The following PROSER2 variants were observed in gnomAD, a reference collection of about 807,000 sequenced individuals.
PROSER2 encodes the protein proline and serine rich 2, also known as proline and serine-rich protein 2.
A neutral mutation model predicts 14.6 loss-of-function variants in PROSER2; 18 were observed. The ratio of observed to expected loss-of-function variants is 1.23; its 90% CI spans 0.85 to 1.83. The LOEUF is 1.83. PROSER2 is among the 40% of genes most tolerant of loss of function. The pLI is 0.00. For synonymous variants in PROSER2, 367 were observed against 286.4 expected, an observed-to-expected ratio of 1.28 and a Z score of -2.84; for missense variants, 823 against 629.8, an observed-to-expected ratio of 1.31 and a Z score of -3.28.
chr10:11,845,918 T>C (rs117194585), intron 1 of PROSER2, among the ~76,000 whole-genome samples: 1 of 152,362 alleles, frequency 6.6e-6, no homozygotes, highest in Non-Finnish European at 1.5e-5. Flanking sequence ...CTAGTATCTT[T>C]CATCCATTGT....
chr10:11,856,906 G>T lies in PROSER2; in HGVS notation c.138+4691G>T, dbSNP rs1588495034. 6.6e-6 allele frequency among the ~76,000 whole-genome samples: 1 copy of T among 152,220 alleles called. No individual in the cohort carries two copies. The highest frequency in any genetic ancestry group is 1.9e-4 in the East Asian group (1 of 5,200). On this transcript the variant is annotated intron_variant, in intron 2 of 3. Coordinates refer to ENST00000277570, the MANE Select transcript of PROSER2 (RefSeq NM_153256.4). The surrounding 1 kb of genome is among the most constrained non-coding windows in gnomAD (Gnocchi z 5.3). ...CAGGAGGGGACACTGAACCGGAGGTGCCTTGAGGGAGGAGCCGCCCCATCA... is the reference window on the plus strand; with the variant it reads ...CAGGAGGGGACACTGAACCGGAGGTTCCTTGAGGGAGGAGCCGCCCCATCA...
chr10:11,870,415 C>A lies in PROSER2; in HGVS notation c.*9C>A. 1 of 1,477,844 alleles carries A rather than the reference C, an allele frequency of 6.8e-7. No homozygotes were observed. The highest frequency in any genetic ancestry group is 8.9e-7 in the Non-Finnish European group (1 of 1,117,482). 91.5% of individuals were successfully genotyped at this position (1,477,844 alleles called of 1,614,324 possible). On this transcript the variant is annotated 3_prime_UTR_variant, in exon 4 of 4. Transcript: ENST00000277570. ...TCAGGGAGAGTTCGTGAGGGCCGCG[C>A]GGGCTCCAGTCCACCCCGTTTCTCC...
In PROSER2 at chr10:11,871,664, GC is replaced by G. The variant is rs1378017358; in HGVS notation, c.*1259del. On this transcript the variant is annotated 3_prime_UTR_variant, in exon 4 of 4. Coordinates refer to ENST00000277570, the MANE Select transcript of PROSER2 (RefSeq NM_153256.4). ...TCTTACACGCTGAGTTATGCCACAAGCGTTATCATCAAAACTATTTAAGGCT... is the reference window on the plus strand; with the variant it reads ...TCTTACACGCTGAGTTATGCCACAAGGTTATCATCAAAACTATTTAAGGCT... 6.6e-6 allele frequency: 1 copy of G among 152,184 alleles called. No individual in the cohort carries two copies. The highest frequency in any genetic ancestry group is 2.4e-5 in the African/African-American group (1 of 41,434). The allele number at this position is 152,184 out of a possible 1,614,324, so 9.4% of individuals were successfully genotyped here.
Position 11,869,619 on chromosome 10 carries a change from A to T in PROSER2, c.521A>T (p.Glu174Val), listed in dbSNP as rs770645499. ...AGCACCCCCGATCCCCCCAGGAGGG[A>T]GCTGCGCGCCCCCTCCCCGCCGGTG... The part of the protein sequence containing the change: ...LPSTPDPPRR[E>V]LRAPSPPVEH... Residue 174 changes from glutamate to valine, a missense_variant, in exon 4 of 4, where the codon GAG becomes GTG. By Grantham distance (121) the Glu-to-Val change is moderately radical (BLOSUM62 -2). Transcript: ENST00000277570. This position sits in a 1 kb window ranked among gnomAD's most constrained non-coding sequence, Gnocchi z 4.4. 4.4e-6 allele frequency: 7 copies of T among 1,596,756 alleles called. No individual in the cohort carries two copies. Among genetic ancestry groups the T allele is most frequent in the Middle Eastern group, 1.7e-4 (1 of 6,034 alleles).
intron 1 of PROSER2, chr10:11,851,267 AG>A (rs1834012337): frequency 1.3e-5 from 2 of 152,322 alleles, no homozygotes; most frequent in South Asian, 4.1e-4. Flanking sequence ...TATGAAATTA[AG>A]GGGCTTACAG....
In PROSER2 at chr10:11,852,137, C is replaced by A; in HGVS notation, c.60C>A (p.Ser20Arg). The A allele has an allele frequency of 6.2e-7, 1 of 1,613,770 alleles. No homozygotes were observed. The highest frequency in any genetic ancestry group is 8.5e-7 in the Non-Finnish European group (1 of 1,179,892). The change falls in exon 2 of 4, where the codon AGC (serine) becomes AGA (arginine). Residue 20 changes from serine to arginine, a missense_variant. Coordinates refer to ENST00000277570, the MANE Select transcript of PROSER2 (RefSeq NM_153256.4). Reference protein sequence around the residue: ...ASDMNSDTSPSCRLRAFSRGG... With the variant: ...ASDMNSDTSPRCRLRAFSRGG... ...ACATGAACTCAGACACGTCCCCCAG[C>A]TGCAGGCTCCGAGCCTTCAGCAGAG...
intron 1 of PROSER2, among the ~76,000 whole-genome samples, chr10:11,842,848 T>C (rs575051886): frequency 3.8e-4 from 58 of 151,904 alleles, no homozygotes; most frequent in African/African-American, 1.3e-3. Context: ...TACATATGTG[T>C]GCGTGAATGT....
At chr10:11,864,283 C>G (rs1028915804) in intron 2 of PROSER2, among the ~76,000 whole-genome samples, 10 of 152,188 alleles carry the variant, frequency 6.6e-5, no homozygotes, top group African/African-American at 2.2e-4. Flanking sequence ...TTGCTGTTTT[C>G]TGATTCCTGA....
intron 1 of PROSER2, among the ~76,000 whole-genome samples, chr10:11,833,736 A>G (rs1338603635): frequency 6.6e-6 from 1 of 152,164 alleles, no homozygotes; most frequent in Non-Finnish European, 1.5e-5. Flanking sequence ...TTATCGTCTA[A>G]TGGAGGAAAA....
chr10:11,867,435 CCA>C (rs1834375823), intron 3 of PROSER2, among the ~76,000 whole-genome samples: 1 of 152,092 alleles, frequency 6.6e-6, no homozygotes, highest in Non-Finnish European at 1.5e-5. Flanking sequence ...GAGTTCAAGA[CCA>C]GCCTGGCCAA....
chr10:11,848,671 C>G (rs1483348969), intron 1 of PROSER2, among the ~76,000 whole-genome samples: 1 of 152,168 alleles, frequency 6.6e-6, no homozygotes, highest in African/African-American at 2.4e-5. Flanking sequence ...GTTCAGAAAT[C>G]AAAGCTGCTT....
In PROSER2 at chr10:11,869,838, A is replaced by T; in HGVS notation, c.740A>T (p.Gln247Leu). ...GGCCCGGGGCCCAGCCACCCGGCGC[A>T]GCCCAAGGCACCCCGCTTCCCCAGC... Reference protein sequence around the residue: ...DPGPGPSHPAQPKAPRFPSNI... With the variant: ...DPGPGPSHPALPKAPRFPSNI... The change falls in exon 4 of 4, where the codon CAG (glutamine) becomes CTG (leucine). Residue 247 changes from glutamine (Q) to leucine (L), a missense_variant. Coordinates refer to ENST00000277570, the MANE Select transcript of PROSER2 (RefSeq NM_153256.4). This position sits in a 1 kb window ranked among gnomAD's most constrained non-coding sequence, Gnocchi z 4.4. 2 of 1,580,470 alleles carry T rather than the reference A, an allele frequency of 1.3e-6. No individual in the cohort carries two copies. The highest frequency in any genetic ancestry group is 1.7e-6 in the Non-Finnish European group (2 of 1,166,322).
chr10:11,860,696 A>G (rs1834219554), intron 2 of PROSER2, among the ~76,000 whole-genome samples: 1 of 152,178 alleles, frequency 6.6e-6, no homozygotes, highest in Admixed American at 6.5e-5. Context: ...TGAGACCGTG[A>G]GCCGAGGAAC....
At position 11,870,014 on chromosome 10, in the gene PROSER2, G is replaced by T. The variant is rs1188273595; in HGVS notation, c.916G>T (p.Ala306Ser). 1.6e-6 allele frequency: 2 copies of T among 1,243,908 alleles called. No homozygotes were observed. The highest frequency in any genetic ancestry group is 3.2e-5 in the African/African-American group (2 of 63,028). The allele number at this position is 1,243,908 out of a possible 1,614,324, so 77.1% of individuals were successfully genotyped here. ...CGCCGCGGGGGACGCCGGCGAGGGG[G>T]CCCCAGGGGGCGGCTCCTCCCCGGA... ...FPAAGDAGEG[A>S]PGGGSSPERV... The change falls in exon 4 of 4, where the codon GCC (alanine) becomes TCC (serine). Residue 306 changes from alanine to serine, a missense_variant. Physicochemically the swap from Ala to Ser is moderately conservative, Grantham distance 99. Transcript: ENST00000277570.
rs1474590415 is a variant in PROSER2 at position 11,823,574 on chromosome 10, G to T, written c.-82+104G>T. ...GGCTGGGACGCCGGCGGGTCGGGCA[G>T]AGAGGGGGCGCCGGACCCTGCCTTG... On this transcript the variant is annotated intron_variant, in intron 1 of 3. Coordinates refer to ENST00000277570, the MANE Select transcript of PROSER2 (RefSeq NM_153256.4). This position sits in a 1 kb window ranked among gnomAD's most constrained non-coding sequence, Gnocchi z 6.2. 6.6e-6 allele frequency: 1 copy of T among 152,596 alleles called. No individual in the cohort carries two copies. Among genetic ancestry groups the T allele is most frequent in the African/African-American group, 2.4e-5 (1 of 41,414 alleles). 9.5% of individuals were successfully genotyped at this position (152,596 alleles called of 1,614,324 possible).
intron 1 of PROSER2, among the ~76,000 whole-genome samples, chr10:11,834,924 T>A (rs929917705): frequency 1.3e-4 from 19 of 151,902 alleles, no homozygotes; most frequent in Non-Finnish European, 1.5e-5. Context: ...CTGGCCAACA[T>A]GGTGAAACCC....
chr10:11,828,564 A>G (rs946203418), intron 1 of PROSER2, among the ~76,000 whole-genome samples: 3 of 152,156 alleles, frequency 2.0e-5, no homozygotes, highest in Admixed American at 1.3e-4. Context: ...TTAGCTTGGC[A>G]TGGTGGTGTG....
Position 11,870,256 on chromosome 10 carries a change from C to T in PROSER2, c.1158C>T (p.Pro386=). ...STRARQSFPG[P]RQPNGAQDWR... is the part of the protein sequence containing the mutation. ...GGGCCCGTCAGAGCTTCCCCGGGCC[C>T]CGGCAGCCCAACGGCGCCCAGGACT... Residue 386 remains proline, a synonymous_variant, in exon 4 of 4, where the codon CCC becomes CCT. Coordinates refer to ENST00000277570, the MANE Select transcript of PROSER2 (RefSeq NM_153256.4). 2 of 1,487,920 alleles carry T rather than the reference C, an allele frequency of 1.3e-6. No individual in the cohort carries two copies. The highest frequency in any genetic ancestry group is 1.8e-6 in the Non-Finnish European group (2 of 1,126,770). The allele number at this position is 1,487,920 out of a possible 1,614,324, so 92.2% of individuals were successfully genotyped here. A position where few individuals can be genotyped will look rare whatever the true frequency, so the allele number is the denominator to read the frequency against.
chr10:11,861,803 C>A (rs1834244590), intron 2 of PROSER2, among the ~76,000 whole-genome samples: 1 of 152,180 alleles, frequency 6.6e-6, no homozygotes. Context: ...AAAGAGTTGG[C>A]CATGCCTCCC....
Sources: gnomAD v4.1 joint callset for allele counts (sites outside exome capture counted in the v4.1 genomes callset) on GRCh38, gnomAD v4.1.1 for gene constraint, Gnocchi (gnomAD v3.1) non-coding constraint, MANE v1.5 for transcripts, NCBI Gene and HGNC (gene_info 2026-07-23, HGNC 2026-07-21) for gene names.